The following PICALM variants were observed in gnomAD, a reference collection of about 807,000 sequenced individuals.
The protein encoded by PICALM is phosphatidylinositol-binding clathrin assembly protein.
Under a neutral mutation model 80.5 loss-of-function variants are expected in PICALM, and 40 were observed. The ratio of observed to expected loss-of-function variants is 0.50; its 90% CI spans 0.39 to 0.65. The LOEUF is 0.65. Ranked by LOEUF, PICALM falls within the 30% of genes least tolerant of loss-of-function variation. The probability of loss-of-function intolerance (pLI) is 0.00; values close to 1 mark genes in which losing one functional copy is unlikely to be tolerated. For missense variants in PICALM, 676 were observed against 778.9 expected, an observed-to-expected ratio of 0.87 and a Z score of 1.57; for synonymous variants, 288 against 260.3, an observed-to-expected ratio of 1.11 and a Z score of -1.02.
intron 1 of PICALM, among the ~76,000 whole-genome samples, chr11:86,056,327 CA>C (rs1313258265): frequency 6.7e-6 from 1 of 148,160 alleles, no homozygotes; most frequent in Non-Finnish European, 1.5e-5. Context: ...ACATAAAGAT[CA>C]AATTTTAAAA....
At chr11:86,009,828 C>T (rs1402939257) in intron 7 of PICALM, among the ~76,000 whole-genome samples, 1 of 152,192 alleles carries the variant, frequency 6.6e-6, no homozygotes, top group African/African-American at 2.4e-5. Flanking sequence ...TAAACACCAC[C>T]TTCTTCTGTT....
At chr11:85,983,732 T>C in intron 14 of PICALM, 134 bp downstream of exon 14, 2 of 488,034 alleles carry the variant, frequency 4.1e-6, no homozygotes. Context: ...CATCTAGTGC[T>C]TGGGGGGATG....
intron 12 of PICALM, among the ~76,000 whole-genome samples, chr11:85,992,429 C>T (rs576313716): frequency 1.3e-5 from 2 of 151,856 alleles, no homozygotes. Context: ...GGATTACAGG[C>T]GCGTGCCACC....
At chr11:86,001,618 G>A (rs573309999) in intron 9 of PICALM, among the ~76,000 whole-genome samples, 3 of 152,168 alleles carry the variant, frequency 2.0e-5, no homozygotes, top group Admixed American at 6.5e-5. Flanking sequence ...CGTAAGTCTA[G>A]GTATGTTTCA....
intron 8 of PICALM, among the ~76,000 whole-genome samples, chr11:86,006,039 GC>G (rs1372111403): frequency 1.3e-5 from 2 of 152,144 alleles, no homozygotes; most frequent in African/African-American, 4.8e-5. Flanking sequence ...TCTACATCTA[GC>G]CTGAGGACAA....
At chr11:86,000,076 T>G (rs557130304) in intron 11 of PICALM, among the ~76,000 whole-genome samples, 1 of 152,362 alleles carries the variant, frequency 6.6e-6, no homozygotes, top group Admixed American at 6.5e-5. Flanking sequence ...ACTCTGAGGT[T>G]CAGAAAATGC....
chr11:85,998,860 G>A (rs1282781670), intron 11 of PICALM, among the ~76,000 whole-genome samples: 1 of 152,156 alleles, frequency 6.6e-6, no homozygotes, highest in Non-Finnish European at 1.5e-5. Context: ...CTGGGCTCAG[G>A]CCTTCCTCCT....
At chr11:85,976,368 G>A (rs141456129) in intron 18 of PICALM, among the ~76,000 whole-genome samples, 1 of 152,214 alleles carries the variant, frequency 6.6e-6, no homozygotes, top group East Asian at 1.9e-4. Flanking sequence ...ATTAATGTTT[G>A]AAATATAAAA....
At chr11:85,969,173 T>C (rs1332902348) in intron 19 of PICALM, among the ~76,000 whole-genome samples, 1 of 152,126 alleles carries the variant, frequency 6.6e-6, no homozygotes, top group Non-Finnish European at 1.5e-5. Context: ...TAGAGTAACC[T>C]AGATAAAATG....
chr11:86,050,231 T>C, intron 1 of PICALM, among the ~76,000 whole-genome samples: 1 of 136,752 alleles, frequency 7.3e-6, no homozygotes, highest in South Asian at 2.3e-4. Flanking sequence ...AAAAACTATA[T>C]CAGTAAGTTG....
At chr11:85,968,584 T>A (rs776215018) in intron 19 of PICALM, among the ~76,000 whole-genome samples, 1 of 152,254 alleles carries the variant, frequency 6.6e-6, no homozygotes, top group East Asian at 1.9e-4. Context: ...ACTGTCTTCA[T>A]GCTTAATAAC....
At chr11:85,990,969 C>G (rs2094753222) in intron 12 of PICALM, among the ~76,000 whole-genome samples, 2 of 152,094 alleles carry the variant, frequency 1.3e-5, no homozygotes, top group Admixed American at 1.3e-4. Flanking sequence ...GAAAGAATGT[C>G]CACTTAATAG....
intron 1 of PICALM, among the ~76,000 whole-genome samples, chr11:86,050,296 A>C (rs1280538305): frequency 6.6e-6 from 1 of 151,776 alleles, no homozygotes; most frequent in Non-Finnish European, 1.5e-5. Context: ...AAGAAAGTTC[A>C]CCCTTTTTTG....
rs568595746 is a variant in PICALM, at chr11:86,049,493, T to C, written c.131-17882A>G. 2.6e-5 allele frequency among the ~76,000 whole-genome samples: 4 copies of C among 152,242 alleles called. No homozygotes were observed. In the South Asian group the frequency reaches 8.3e-4, roughly 32 times the overall value. The stretch of plus-strand genomic sequence containing the variant: ...ACCAGACAAATTCCCCCATGACAGC[T>C]CGCCTGAAATAAAGCCAGTAACTGT... On this transcript the variant is annotated intron_variant, in intron 1 of 19. Transcript: ENST00000393346.
At chr11:86,012,444 T>C (rs2095414904) in intron 5 of PICALM, 52 bp from the exon 6 acceptor site, 8 of 984,008 alleles carry the variant, frequency 8.1e-6, no homozygotes, top group Middle Eastern at 2.2e-4. Flanking sequence ...TTAAATGACA[T>C]TGACAAAAAG....
chr11:86,010,515 C>T (rs963714719), intron 7 of PICALM, among the ~76,000 whole-genome samples: 8 of 152,084 alleles, frequency 5.3e-5, no homozygotes, highest in Admixed American at 2.0e-4. Flanking sequence ...TTAGTATAGA[C>T]GGGATTTTGC....
At position 85,982,678 on chromosome 11, in the gene PICALM, C is replaced by T. The variant is rs557727614; in HGVS notation, c.1517-675G>A. On this transcript the variant is annotated intron_variant, in intron 14 of 19. Coordinates refer to ENST00000393346, the MANE Select transcript of PICALM (RefSeq NM_007166.4). Reference sequence around the variant, plus strand: ...TCCTGACCTCATGATCCACCCGCCTCGGCCTCCCAAAGTGCTGGGATTACA... The same window carrying T: ...TCCTGACCTCATGATCCACCCGCCTTGGCCTCCCAAAGTGCTGGGATTACA... Among the ~76,000 whole-genome samples, 17 of 150,938 alleles carry T rather than the reference C, an allele frequency of 1.1e-4. No homozygotes were observed. In the South Asian group the frequency reaches 2.9e-3, roughly 26 times the overall value.
chr11:86,026,180 A>G, intron 3 of PICALM, 112 bp downstream of exon 3: 1 of 634,596 alleles, frequency 1.6e-6, no homozygotes, highest in South Asian at 2.0e-5. Context: ...AACCTTCACT[A>G]AAATATAAGG....
chr11:86,032,197 C>T (rs1368794529), intron 1 of PICALM, among the ~76,000 whole-genome samples: 1 of 152,088 alleles, frequency 6.6e-6, no homozygotes, highest in Non-Finnish European at 1.5e-5. Flanking sequence ...CTCTGTTCTA[C>T]TGAATTAGCT....
Sources: allele counts gnomAD v4.1 joint callset (sites outside exome capture counted in the v4.1 genomes callset), GRCh38; gene constraint gnomAD v4.1.1; transcripts MANE v1.5; gene names NCBI Gene and HGNC (gene_info 2026-07-23, HGNC 2026-07-21).